GPR139: variants seen among roughly 807,000 people sequenced by gnomAD.
GPR139 encodes the protein G protein-coupled receptor 139, also known as probable G protein-coupled receptor 139.
In GPR139, 12 loss-of-function variants were observed where a neutral mutation model predicts 25.8. The observed-to-expected ratio is 0.47, with a 90% CI of 0.30 to 0.75. The LOEUF (loss-of-function observed/expected upper bound fraction) is 0.75. Ranked by LOEUF, GPR139 falls within the 30% of genes least tolerant of loss-of-function variation. The probability of loss-of-function intolerance (pLI) is 0.07; values close to 1 mark genes in which losing one functional copy is unlikely to be tolerated. For synonymous variants in GPR139, 184 were observed against 179.9 expected (o/e 1.02, Z -0.18); for missense variants, 380 against 450.2 (o/e 0.84, Z 1.41).
chr16:20,061,720 T>C (rs2057415083), intron 1 of GPR139, among the ~76,000 whole-genome samples: 1 of 152,186 alleles, frequency 6.6e-6, no homozygotes. Context: ...CCCTTTGAAT[T>C]GTACTAGGAT....
chr16:20,063,710 A>G (rs893275947), intron 1 of GPR139, among the ~76,000 whole-genome samples: 15 of 152,182 alleles, frequency 9.9e-5, no homozygotes, highest in Non-Finnish European at 1.9e-4. Context: ...TGAGCTCTAA[A>G]ATCTCCCAGG....
chr16:20,060,171 C>G (rs566154137), intron 1 of GPR139, among the ~76,000 whole-genome samples: 1 of 152,206 alleles, frequency 6.6e-6, no homozygotes, highest in South Asian at 2.1e-4. Flanking sequence ...TGTGGTGAGG[C>G]TGGAATGCTA....
rs115147568 is a variant in GPR139, at chr16:20,033,877, T to C, written c.128-1208A>G. 5.7e-3 allele frequency among the ~76,000 whole-genome samples: 862 copies of C among 152,002 alleles called. 6 individuals carry two copies. The highest frequency in any genetic ancestry group is 0.019 in the African/African-American group (784 of 41,482). The stretch of plus-strand genomic sequence containing the variant: ...AGTAATTGGCAAAAACTGCAATTAC[T>C]TTTGCACCAACCTAATACATAGTTT... On this transcript the variant is annotated intron_variant, in intron 1 of 1. Transcript: ENST00000570682.
intron 1 of GPR139, among the ~76,000 whole-genome samples, chr16:20,063,930 G>T (rs996842442): frequency 1.3e-5 from 2 of 152,174 alleles, no homozygotes; most frequent in African/African-American, 2.4e-5. Flanking sequence ...CCACATGGCT[G>T]GGGAGGCCTC....
intron 1 of GPR139, among the ~76,000 whole-genome samples, chr16:20,043,677 T>G (rs770649270): frequency 2.7e-4 from 41 of 152,200 alleles, no homozygotes; most frequent in Admixed American, 7.2e-4. Context: ...CTGCTGAAGA[T>G]GGCACAGCTG....
chr16:20,045,148 T>G lies in GPR139; in HGVS notation c.128-12479A>C, dbSNP rs190842991. Among the ~76,000 whole-genome samples, 653 of 152,140 alleles carry G rather than the reference T, an allele frequency of 4.3e-3. 3 individuals are homozygous for G. Among genetic ancestry groups the G allele is most frequent in the Non-Finnish European group, 7.6e-3 (520 of 67,994 alleles). On this transcript the variant is annotated intron_variant, in intron 1 of 1. Transcript: ENST00000570682. ...CCGAGATGCTGGGATTACAGGCATC[T>G]GCCACCACGCTCAGCTAATTTTTAT...
Position 20,031,523 on chromosome 16 carries a change from T to C in GPR139, c.*212A>G. The C allele has an allele frequency of 1.7e-6, 1 of 577,708 alleles. No individual in the cohort carries two copies. The highest frequency in any genetic ancestry group is 3.1e-6 in the Non-Finnish European group (1 of 324,676). The allele number at this position is 577,708 out of a possible 1,614,324, so 35.8% of individuals were successfully genotyped here. On this transcript the variant is annotated 3_prime_UTR_variant, in exon 2 of 2. Transcript: ENST00000570682. ...TAGGAGCTTTTGCTGTCATTACGAC[T>C]CTGTGGAAATAAATGCATAAGTAAA...
Position 20,031,893 on chromosome 16 carries a change from C to T in GPR139, c.904G>A (p.Ala302Thr). The change falls in exon 2 of 2, where the codon GCT becomes ACT. Residue 302 changes from alanine (A) to threonine (T), a missense_variant. Coordinates refer to ENST00000570682, the MANE Select transcript of GPR139 (RefSeq NM_001002911.4). Reference protein sequence around the residue: ...FRTMAAATLKAFFKCQKQPVQ... With the variant: ...FRTMAAATLKTFFKCQKQPVQ... ...GGTTGCTTCTGGCACTTGAAGAAAG[C>T]CTTGAGCGTGGCGGCTGCCATGGTG... The T allele has an allele frequency of 6.2e-7, 1 of 1,614,190 alleles. No individual in the cohort carries two copies. Among genetic ancestry groups the T allele is most frequent in the Non-Finnish European group, 8.5e-7 (1 of 1,180,038 alleles).
chr16:20,055,382 C>T (rs1293715040), intron 1 of GPR139, among the ~76,000 whole-genome samples: 1 of 152,198 alleles, frequency 6.6e-6, no homozygotes, highest in Non-Finnish European at 1.5e-5. Context: ...GGTCACCTTT[C>T]CAACTCTGGG....
intron 1 of GPR139, among the ~76,000 whole-genome samples, chr16:20,042,188 T>C (rs758606618): frequency 5.6e-4 from 85 of 152,320 alleles, no homozygotes; most frequent in South Asian, 1.4e-3. Flanking sequence ...ATTATGAGGA[T>C]ATATGAAATA....
At chr16:20,039,079 A>G (rs1039058981) in intron 1 of GPR139, among the ~76,000 whole-genome samples, 3 of 152,204 alleles carry the variant, frequency 2.0e-5, no homozygotes, top group African/African-American at 4.8e-5. Context: ...CCTTTCTGTC[A>G]ATGGTGTCGT....
intron 1 of GPR139, among the ~76,000 whole-genome samples, chr16:20,069,437 A>G (rs1413554079): frequency 3.9e-5 from 6 of 152,224 alleles, no homozygotes; most frequent in African/African-American, 1.4e-4. Context: ...TGCAGGCCTC[A>G]GTCCAGCTGA....
At chr16:20,037,074 A>T (rs2057312485) in intron 1 of GPR139, among the ~76,000 whole-genome samples, 1 of 152,206 alleles carries the variant, frequency 6.6e-6, no homozygotes, top group East Asian at 1.9e-4. Flanking sequence ...ATGTGATACT[A>T]GGAAGAATAA....
intron 1 of GPR139, among the ~76,000 whole-genome samples, chr16:20,041,139 A>T (rs1273910173): frequency 2.8e-3 from 1 of 358 alleles, no homozygotes; most frequent in Admixed American, 0.025. Flanking sequence ...AGGAGAGGAG[A>T]GGAGAGGAGA....
At chr16:20,070,201 C>T (rs1174193782) in intron 1 of GPR139, among the ~76,000 whole-genome samples, 1 of 152,126 alleles carries the variant, frequency 6.6e-6, no homozygotes, top group Non-Finnish European at 1.5e-5. Flanking sequence ...TCAGTTTGTT[C>T]ATTGTAAAAT....
chr16:20,041,251 G>GA (rs777122460), intron 1 of GPR139, among the ~76,000 whole-genome samples: 32 of 2,102 alleles, frequency 0.015, 15 homozygotes, highest in Admixed American at 0.024. Context: ...GAGAGGAGAG[G>GA]GAAGGAGAAA....
In GPR139 at chr16:20,073,734, C is replaced by T; in HGVS notation, c.-118G>A. ...GCAGCTGGAGCAGCAGCGCCTCTCT[C>T]CCCGCAGGACTGGCTCCTACCCTTG... On this transcript the variant is annotated 5_prime_UTR_variant, in exon 1 of 2. Transcript: ENST00000570682. This position sits in a 1 kb window ranked among gnomAD's most constrained non-coding sequence, Gnocchi z 4.7. 7.8e-7 allele frequency: 1 copy of T among 1,277,392 alleles called. No individual in the cohort carries two copies. The highest frequency in any genetic ancestry group is 2.6e-5 in the East Asian group (1 of 38,670). The allele number at this position is 1,277,392 out of a possible 1,614,324, so 79.1% of individuals were successfully genotyped here. A position where few individuals can be genotyped will look rare whatever the true frequency, so the allele number is the denominator to read the frequency against.
intron 1 of GPR139, among the ~76,000 whole-genome samples, chr16:20,036,607 C>A (rs967784576): frequency 1.3e-5 from 2 of 152,158 alleles, no homozygotes; most frequent in African/African-American, 4.8e-5. Context: ...ACCATCAGAT[C>A]TCATGAGACT....
chr16:20,043,937 G>A (rs1051652756), intron 1 of GPR139, among the ~76,000 whole-genome samples: 2 of 150,468 alleles, frequency 1.3e-5, no homozygotes, highest in South Asian at 2.1e-4. Context: ...ATCCAGATGA[G>A]CCTTCTAGAT....
Sources: allele counts gnomAD v4.1 joint callset (sites outside exome capture counted in the v4.1 genomes callset), GRCh38; gene constraint gnomAD v4.1.1; non-coding constraint Gnocchi (gnomAD v3.1); transcripts MANE v1.5; gene names NCBI Gene and HGNC (gene_info 2026-07-23, HGNC 2026-07-21).